The following IPMK variants were observed in gnomAD, a reference collection of about 807,000 sequenced individuals.
IPMK encodes inositol polyphosphate multikinase, also known as inositol 1,3,4,6-tetrakisphosphate 5-kinase.
A neutral mutation model predicts 45.8 loss-of-function variants in IPMK; 17 were observed. That is an observed-to-expected ratio of 0.37 (90% confidence interval 0.25 to 0.56). The LOEUF (loss-of-function observed/expected upper bound fraction) is 0.56. Ranked by LOEUF, IPMK falls within the 20% of genes least tolerant of loss-of-function variation. The pLI is 0.79. For synonymous variants in IPMK, 180 were observed against 184.3 expected (o/e 0.98, Z 0.19); for missense variants, 399 against 498.0 (o/e 0.80, Z 1.89).
Position 58,199,325 on chromosome 10 carries a change from T to A in IPMK, c.547-4A>T. On this transcript the variant is annotated splice_region_variant and splice_polypyrimidine_tract_variant and intron_variant, in intron 4 of 5. Transcript: ENST00000373935. ...TATCGGAATGAACATGATAAACCTG[T>A]CAAAAAAAGCAGTGAATATTAAAAA... 6.3e-7 allele frequency: 1 copy of A among 1,592,052 alleles called. No individual in the cohort carries two copies. The highest frequency in any genetic ancestry group is 8.6e-7 in the Non-Finnish European group (1 of 1,167,920).
intron 3 of IPMK, among the ~76,000 whole-genome samples, chr10:58,218,205 G>C (rs866361307): frequency 6.6e-6 from 1 of 152,112 alleles, no homozygotes; most frequent in African/African-American, 2.4e-5. Context: ...CTTGAAAGAA[G>C]GGTTTTCCCA....
At chr10:58,206,990 T>TATAC (rs924753596) in intron 4 of IPMK, among the ~76,000 whole-genome samples, 18 of 151,976 alleles carry the variant, frequency 1.2e-4, no homozygotes, top group African/African-American at 4.4e-4. Flanking sequence ...CATGTATATA[T>TATAC]ATATATATCA....
At chr10:58,205,892 T>G (rs955585359) in intron 4 of IPMK, among the ~76,000 whole-genome samples, 3 of 151,936 alleles carry the variant, frequency 2.0e-5, no homozygotes, top group Non-Finnish European at 4.4e-5. Flanking sequence ...AAAAACACTT[T>G]GGCAGTTTCT....
At chr10:58,229,581 G>C (rs1248732411) in intron 2 of IPMK, among the ~76,000 whole-genome samples, 1 of 96,658 alleles carries the variant, frequency 1.0e-5, no homozygotes, top group Non-Finnish European at 2.0e-5. Context: ...AAAAAAAAAA[G>C]TAATCTAAAT....
intron 5 of IPMK, among the ~76,000 whole-genome samples, chr10:58,197,656 A>G (rs975062240): frequency 7.7e-6 from 1 of 130,082 alleles, no homozygotes; most frequent in Non-Finnish European, 1.5e-5. Flanking sequence ...TCTCAAAAAA[A>G]AAAGAAAAGA....
intron 2 of IPMK, among the ~76,000 whole-genome samples, chr10:58,236,572 G>A (rs1036988051): frequency 6.6e-6 from 1 of 152,138 alleles, no homozygotes; most frequent in African/African-American, 2.4e-5. Flanking sequence ...AAGGCAGCTG[G>A]AAACTATTCA....
intron 1 of IPMK, among the ~76,000 whole-genome samples, chr10:58,243,052 G>A (rs961390679): frequency 2.0e-5 from 3 of 152,138 alleles, no homozygotes; most frequent in Admixed American, 1.3e-4. Flanking sequence ...GTGGGACTGA[G>A]TCAATTAAAC....
intron 4 of IPMK, among the ~76,000 whole-genome samples, chr10:58,213,840 C>T (rs750985537): frequency 1.1e-4 from 16 of 152,056 alleles, no homozygotes; most frequent in Non-Finnish European, 2.2e-4. Context: ...AGCTACTTTT[C>T]AAAGTAAAGT....
Position 58,264,748 on chromosome 10 carries a change from C to T in IPMK, c.190+2674G>A, listed in dbSNP as rs35292800. On this transcript the variant is annotated intron_variant, in intron 1 of 5. Transcript: ENST00000373935. ...AGTTAAATAAATTGTGATACATCCA[C>T]ATTGTAGAACACAATTTTTAGAAAG... Among the ~76,000 whole-genome samples the T allele has an allele frequency of 8.2e-3, 1,254 of 152,208 alleles. 8 individuals are homozygous for T. Among genetic ancestry groups the T allele is most frequent in the South Asian group, 0.02 (96 of 4,828 alleles).
chr10:58,237,607 C>G (rs1588965004), intron 2 of IPMK, 122 bp downstream of exon 2: 5 of 709,124 alleles, frequency 7.1e-6, no homozygotes, highest in South Asian at 4.9e-5. Context: ...TTCCATGAAG[C>G]TTTTGTTTCC....
chr10:58,241,519 C>G (rs1838697055), intron 1 of IPMK, among the ~76,000 whole-genome samples: 1 of 152,172 alleles, frequency 6.6e-6, no homozygotes, highest in African/African-American at 2.4e-5. Context: ...CTGTGGTGCA[C>G]TGACAGTATT....
intron 4 of IPMK, among the ~76,000 whole-genome samples, chr10:58,200,161 C>T (rs978108199): frequency 6.3e-4 from 96 of 152,254 alleles, no homozygotes; most frequent in Non-Finnish European, 2.6e-4. Context: ...CTCTGTTGCC[C>T]AGGCTGGAGT....
At chr10:58,222,935 G>A (rs913852023) in intron 3 of IPMK, among the ~76,000 whole-genome samples, 1 of 152,192 alleles carries the variant, frequency 6.6e-6, no homozygotes, top group Admixed American at 6.5e-5. Context: ...CTCATAAGTG[G>A]GAGCTAAACT....
chr10:58,240,758 A>T (rs1231400583), intron 1 of IPMK, among the ~76,000 whole-genome samples: 2 of 152,134 alleles, frequency 1.3e-5, no homozygotes, highest in Non-Finnish European at 2.9e-5. Flanking sequence ...TAAAGCTAAA[A>T]TTTTTAACAA....
intron 1 of IPMK, among the ~76,000 whole-genome samples, chr10:58,238,600 A>C (rs1838650352): frequency 6.6e-6 from 1 of 152,222 alleles, no homozygotes; most frequent in Admixed American, 6.5e-5. Context: ...ATTTCAATTA[A>C]ATATGCCACT....
Position 58,196,558 on chromosome 10 carries a change from A to G in IPMK, c.769T>C (p.Tyr257His). 6.2e-7 allele frequency: 1 copy of G among 1,614,094 alleles called. No individual in the cohort carries two copies. The highest frequency in any genetic ancestry group is 8.5e-7 in the Non-Finnish European group (1 of 1,180,014). Reference sequence around the variant, plus strand: ...GTGGTTGGCTGAGATGAACCTTCATAAACAAAGAGTAATGAACTTGCGTAA... The same window carrying G: ...GTGGTTGGCTGAGATGAACCTTCATGAACAAAGAGTAATGAACTTGCGTAA... ...NFYASSLLFV[Y>H]EGSSQPTTTK... Residue 257 changes from tyrosine to histidine, a missense_variant, in exon 6 of 6, where the codon TAT (tyrosine) becomes CAT (histidine). Coordinates refer to ENST00000373935, the MANE Select transcript of IPMK (RefSeq NM_152230.5).
chr10:58,235,819 TA>T (rs1222797560), intron 2 of IPMK, among the ~76,000 whole-genome samples: 1 of 150,726 alleles, frequency 6.6e-6, no homozygotes, highest in African/African-American at 2.4e-5. Context: ...ATAAAAAATT[TA>T]AAAAAAAAGA....
intron 3 of IPMK, among the ~76,000 whole-genome samples, chr10:58,223,765 G>C (rs1196930528): frequency 6.6e-6 from 1 of 152,114 alleles, no homozygotes; most frequent in Non-Finnish European, 1.5e-5. Context: ...TTGGATTATG[G>C]GGTGTTTTCC....
chr10:58,209,946 G>T (rs1838133174), intron 4 of IPMK, among the ~76,000 whole-genome samples: 1 of 152,184 alleles, frequency 6.6e-6, no homozygotes, highest in Admixed American at 6.5e-5. Context: ...CTTGCCCTAA[G>T]TTGGCAAGGG....
Sources: gnomAD v4.1 joint callset for allele counts (sites outside exome capture counted in the v4.1 genomes callset) on GRCh38, gnomAD v4.1.1 for gene constraint, MANE v1.5 for transcripts, NCBI Gene and HGNC (gene_info 2026-07-23, HGNC 2026-07-21) for gene names.